Variants in TGM7 observed in about 807,000 individuals in gnomAD.
The protein encoded by TGM7 is transglutaminase 7, also known as protein-glutamine gamma-glutamyltransferase Z.
TGM7 carries 74 observed loss-of-function variants against 79.5 expected under a neutral mutation model. That is an observed-to-expected ratio of 0.93 (90% CI 0.77 to 1.13). The LOEUF (loss-of-function observed/expected upper bound fraction) is 1.13. TGM7 is among the 50% of genes most tolerant of loss of function. The probability of loss-of-function intolerance (pLI) is 0.00; values close to 1 mark genes in which losing one functional copy is unlikely to be tolerated. For synonymous variants in TGM7, 354 were observed against 362.5 expected (o/e 0.98, Z 0.27); for missense variants, 912 against 905.9 (o/e 1.01, Z -0.09).
At chr15:43,297,251 C>T (rs926026755) in intron 1 of TGM7, among the ~76,000 whole-genome samples, 20 of 151,838 alleles carry the variant, frequency 1.3e-4, no homozygotes, top group Admixed American at 1.0e-3. Flanking sequence ...CTCAGGAGTT[C>T]GAGACCAGCT....
In TGM7 at chr15:43,302,236, C is replaced by T. The variant is rs1458176264; in HGVS notation, c.10+5G>A. 2 of 1,614,072 alleles carry T rather than the reference C, an allele frequency of 1.2e-6. No homozygotes were observed. The highest frequency in any genetic ancestry group is 1.7e-6 in the Non-Finnish European group (2 of 1,180,036). On this transcript the variant is annotated splice_donor_5th_base_variant and intron_variant, in intron 1 of 12. Transcript: ENST00000452443. Reference sequence around the variant, plus strand: ...CGAAAAGGTAAGTCGATTCCCAGTACTCACCCTGATCCATCTCCCTCCTTC... The same window carrying T: ...CGAAAAGGTAAGTCGATTCCCAGTATTCACCCTGATCCATCTCCCTCCTTC...
In TGM7 at chr15:43,279,869, A is replaced by G; in HGVS notation, c.1434T>C (p.Asp478=). The change falls in exon 10 of 13, where the codon GAT becomes GAC. Residue 478 remains aspartate (D), a synonymous_variant. Coordinates refer to ENST00000452443, the MANE Select transcript of TGM7 (RefSeq NM_052955.3). ...CCCTAAGACCCCCAGACTCCAGGAGATCCAGGAAGGGCAAAGAAGCTCTTT... is the reference window on the plus strand; with the variant it reads ...CCCTAAGACCCCCAGACTCCAGGAGGTCCAGGAAGGGCAAAGAAGCTCTTT... ...GPQRASLPFL[D]LLESGGLRDQ... 3.1e-6 allele frequency: 5 copies of G among 1,614,168 alleles called. No homozygotes were observed. Among genetic ancestry groups the G allele is most frequent in the Non-Finnish European group, 4.2e-6 (5 of 1,180,032 alleles).
intron 1 of TGM7, among the ~76,000 whole-genome samples, chr15:43,297,827 T>C (rs545862500): frequency 6.6e-6 from 1 of 152,290 alleles, no homozygotes; most frequent in South Asian, 2.1e-4. Context: ...CATGATGCTT[T>C]ACTTCCCACC....
chr15:43,294,768 C>T (rs758857932), intron 1 of TGM7, among the ~76,000 whole-genome samples: 20 of 152,198 alleles, frequency 1.3e-4, no homozygotes, highest in Non-Finnish European at 2.5e-4. Flanking sequence ...ACATTTTTTA[C>T]TGGGAAGAGA....
chr15:43,279,413 C>T, intron 10 of TGM7, 136 bp from the exon 11 acceptor site: 2 of 1,156,564 alleles, frequency 1.7e-6, no homozygotes, highest in Non-Finnish European at 2.4e-6. Context: ...AGACAGCGTC[C>T]CACCACGCAC....
Position 43,279,907 on chromosome 15 carries a change from T to A in TGM7, c.1396A>T (p.Met466Leu). The A allele has an allele frequency of 6.2e-7, 1 of 1,614,086 alleles. No homozygotes were observed. Among genetic ancestry groups the A allele is most frequent in the Non-Finnish European group, 8.5e-7 (1 of 1,180,006 alleles). The change falls in exon 10 of 13, where the codon ATG becomes TTG. Residue 466 changes from methionine to leucine, a missense_variant. Transcript: ENST00000452443. Reference protein sequence around the residue: ...RAVFMKASRKMLGPQRASLPF... With the variant: ...RAVFMKASRKLLGPQRASLPF... ...AAAGAAGCTCTTTGGGGGCCCAGCA[T>A]TTTCCGAGAAGCCTTCATGAAGACA...
At chr15:43,299,316 C>T (rs1234632436) in intron 1 of TGM7, among the ~76,000 whole-genome samples, 4 of 152,100 alleles carry the variant, frequency 2.6e-5, no homozygotes, top group African/African-American at 9.7e-5. Context: ...GGAAGGGCAG[C>T]GAGAGCCCTG....
chr15:43,276,741 G>A (rs994877542), intron 12 of TGM7, 121 bp downstream of exon 12: 1 of 1,539,492 alleles, frequency 6.5e-7, no homozygotes, highest in Non-Finnish European at 8.8e-7. Flanking sequence ...CCTTTCCTGA[G>A]GAGGGTGAGA....
At chr15:43,277,309 G>T (rs2042883253) in intron 11 of TGM7, among the ~76,000 whole-genome samples, 1 of 152,202 alleles carries the variant, frequency 6.6e-6, no homozygotes, top group African/African-American at 2.4e-5. Context: ...CCAGTGGGTG[G>T]CTACTAGGAA....
chr15:43,294,749 T>C (rs1448861603), intron 1 of TGM7, among the ~76,000 whole-genome samples: 3 of 152,236 alleles, frequency 2.0e-5, no homozygotes, highest in Admixed American at 6.5e-5. Flanking sequence ...CATTTGGCAA[T>C]GTCTGAAGAC....
chr15:43,282,585 C>A lies in TGM7; in HGVS notation c.1040G>T (p.Arg347Leu). The A allele has an allele frequency of 6.2e-7, 1 of 1,602,016 alleles. No individual in the cohort carries two copies. The highest frequency in any genetic ancestry group is 8.5e-7 in the Non-Finnish European group (1 of 1,173,902). Reference sequence around the variant, plus strand: ...GTTGTATCCTGGTGGGAGATCTTTCCGGATCATCCAGCACTCATTCCAGAC... The same window carrying A: ...GTTGTATCCTGGTGGGAGATCTTTCAGGATCATCCAGCACTCATTCCAGAC... ...FHVWNECWMI[R>L]KDLPPGYNGW... Residue 347 changes from arginine to leucine, a missense_variant, in exon 8 of 13, where the codon CGG becomes CTG. Arg to Leu is a moderately radical substitution (Grantham distance 102). Transcript: ENST00000452443.
intron 6 of TGM7, among the ~76,000 whole-genome samples, chr15:43,285,920 G>A (rs2042933569): frequency 6.6e-6 from 1 of 152,104 alleles, no homozygotes; most frequent in Non-Finnish European, 1.5e-5. Context: ...CAAGAGCCAG[G>A]TGTGACCCTG....
intron 1 of TGM7, among the ~76,000 whole-genome samples, chr15:43,299,057 A>T (rs1260346001): frequency 1.3e-5 from 2 of 152,138 alleles, no homozygotes; most frequent in Non-Finnish European, 2.9e-5. Flanking sequence ...AAGATTTTTT[A>T]AAAAGACTAA....
In TGM7 at chr15:43,287,641, A is replaced by C. The variant is rs1162578456; in HGVS notation, c.587T>G (p.Phe196Cys). The change falls in exon 5 of 13, where the codon TTT (phenylalanine) becomes TGT (cysteine). Residue 196 changes from phenylalanine to cysteine, a missense_variant. Physicochemically the swap from Phe to Cys is radical, Grantham distance 205. Transcript: ENST00000452443. ...ATACAGGCTCTTGTTCAGGATCTCA[A>C]AGCAGATGTCTATGATGTCCTCTTC... is the stretch of plus-strand genomic sequence containing the variant. ...QFEEDIIDICFEILNKSLYHL... is the reference protein window; with the variant it reads ...QFEEDIIDICCEILNKSLYHL... 6.2e-7 allele frequency: 1 copy of C among 1,613,970 alleles called. No individual in the cohort carries two copies. The highest frequency in any genetic ancestry group is 1.7e-5 in the Admixed American group (1 of 59,958).
At chr15:43,282,432 C>T (rs754567130) in intron 8 of TGM7, 85 bp downstream of exon 8, 3 of 1,217,628 alleles carry the variant, frequency 2.5e-6, no homozygotes, top group Non-Finnish European at 3.5e-6. Context: ...AAACGCTGCT[C>T]CTCCCTGGTC....
intron 12 of TGM7, 30 bp downstream of exon 12, chr15:43,276,832 A>C (rs761491415): frequency 9.3e-6 from 15 of 1,609,986 alleles, no homozygotes; most frequent in African/African-American, 1.3e-5. Flanking sequence ...TGAGACCAGC[A>C]AGGGGGAGGT....
chr15:43,284,775 G>A (rs750018435), intron 7 of TGM7, 39 bp downstream of exon 7: 1 of 1,607,094 alleles, frequency 6.2e-7, no homozygotes, highest in Non-Finnish European at 8.5e-7. Flanking sequence ...TGCCCTCCCT[G>A]GGACAAAGCA....
intron 9 of TGM7, among the ~76,000 whole-genome samples, chr15:43,281,578 T>C (rs1333805005): frequency 6.6e-6 from 1 of 152,274 alleles, no homozygotes. Flanking sequence ...GTATGTCTCA[T>C]ACAACATTTG....
At chr15:43,294,155 A>AT (rs1433628209) in intron 1 of TGM7, among the ~76,000 whole-genome samples, 1 of 152,182 alleles carries the variant, frequency 6.6e-6, no homozygotes, top group African/African-American at 2.4e-5. Flanking sequence ...TTTTGTATGA[A>AT]TTAAGTCAGT....
Sources: gnomAD v4.1 joint callset for allele counts (sites outside exome capture counted in the v4.1 genomes callset) on GRCh38, gnomAD v4.1.1 for gene constraint, MANE v1.5 for transcripts, NCBI Gene and HGNC (gene_info 2026-07-23, HGNC 2026-07-21) for gene names.